Variants in NUDT6 observed in about 807,000 individuals in gnomAD.
The protein encoded by NUDT6 is FAD diphosphatase NUDT6.
NUDT6 carries 24 observed loss-of-function variants against 36.8 expected under a neutral mutation model. That is an observed-to-expected ratio of 0.65 (90% CI 0.47 to 0.92). The LOEUF is 0.92. NUDT6 is among the 40% of genes least tolerant of loss of function. NUDT6 has a pLI of 0.00. For synonymous variants in NUDT6, 163 were observed against 157.0 expected (o/e 1.04, Z -0.29); for missense variants, 388 against 392.8 (o/e 0.99, Z 0.10).
At position 122,892,798 on chromosome 4, in the gene NUDT6, C is replaced by T; in HGVS notation, c.*30G>A. On this transcript the variant is annotated 3_prime_UTR_variant, in exon 5 of 5. Transcript: ENST00000304430. ...ACTATTTCTTATGTCATTCGTTAGTCTACATGTTTCTAAACATATAAATGT... is the reference window on the plus strand; with the variant it reads ...ACTATTTCTTATGTCATTCGTTAGTTTACATGTTTCTAAACATATAAATGT... 6.6e-7 allele frequency: 1 copy of T among 1,514,264 alleles called. No individual in the cohort carries two copies. Among genetic ancestry groups the T allele is most frequent in the Non-Finnish European group, 9.0e-7 (1 of 1,113,614 alleles). 93.8% of individuals were successfully genotyped at this position (1,514,264 alleles called of 1,614,324 possible). A position where few individuals can be genotyped will look rare whatever the true frequency, so the allele number is the denominator to read the frequency against.
Position 122,897,689 on chromosome 4 carries a change from A to T in NUDT6, c.499-11T>A. 1 of 1,585,230 alleles carries T rather than the reference A, an allele frequency of 6.3e-7. No individual in the cohort carries two copies. Among genetic ancestry groups the T allele is most frequent in the South Asian group, 1.1e-5 (1 of 90,458 alleles). On this transcript the variant is annotated splice_polypyrimidine_tract_variant and intron_variant, in intron 3 of 4. Transcript: ENST00000304430. ...CCACATATTTTTCAACTGCAGTATA[A>T]AGTCAGAAAATAAAGTTAACATAAC...
At chr4:122,915,836 C>T (rs1389453642) in intron 2 of NUDT6, among the ~76,000 whole-genome samples, 1 of 152,064 alleles carries the variant, frequency 6.6e-6, no homozygotes, top group Non-Finnish European at 1.5e-5. Flanking sequence ...TGAAATAGAG[C>T]TGAACGGAGA....
intron 3 of NUDT6, among the ~76,000 whole-genome samples, chr4:122,900,765 A>T (rs1031276456): frequency 2.0e-5 from 3 of 152,064 alleles, no homozygotes; most frequent in South Asian, 2.1e-4. Flanking sequence ...TGTGTCTTAG[A>T]CTTACACTTT....
rs778764057 is a variant in NUDT6 at position 122,922,582 on chromosome 4, G to A, written c.-10C>T. On this transcript the variant is annotated 5_prime_UTR_variant, in exon 1 of 5. Coordinates refer to ENST00000304430, the MANE Select transcript of NUDT6 (RefSeq NM_007083.5). The stretch of plus-strand genomic sequence containing the variant: ...TCAGTGGCTGCCGCATCTCCACGCC[G>A]CTTAATTCGTCCGTTGCCCAAATGA... 5.0e-6 allele frequency: 8 copies of A among 1,587,852 alleles called. No homozygotes were observed. Among genetic ancestry groups the A allele is most frequent in the East Asian group, 4.5e-5 (2 of 44,622 alleles).
rs965949702 is a variant in NUDT6, at chr4:122,922,590, C to A, written c.-18G>T. The A allele has an allele frequency of 1.9e-6, 3 of 1,580,438 alleles. No homozygotes were observed. The highest frequency in any genetic ancestry group is 2.6e-6 in the Non-Finnish European group (3 of 1,167,962). ...TGCCGCATCTCCACGCCGCTTAATT[C>A]GTCCGTTGCCCAAATGACCCCTCCG... On this transcript the variant is annotated 5_prime_UTR_variant, in exon 1 of 5. Transcript: ENST00000304430.
rs1727451766 is a variant in NUDT6, at chr4:122,899,044, A to ATTTTTTTTTTTTCTTTTTT, written c.499-1367_499-1366insAAAAAAGAAAAAAAAAAAA. Among the ~76,000 whole-genome samples the ATTTTTTTTTTTTCTTTTTT allele has an allele frequency of 2.9e-5, 2 of 69,428 alleles. 1 individual carries two copies. Among genetic ancestry groups the ATTTTTTTTTTTTCTTTTTT allele is most frequent in the Non-Finnish European group, 6.0e-5 (2 of 33,138 alleles). 45.5% of individuals were successfully genotyped at this position (69,428 alleles called of 152,430 possible). ...CTACAGGTGTGCACCACCACACCTAATTTTTTTTTTTTTTTTAGAGATGAG... is the reference window on the plus strand; with the variant it reads ...CTACAGGTGTGCACCACCACACCTAATTTTTTTTTTTTCTTTTTTTTTTTTTTTTTTTTTTAGAGATGAG... On this transcript the variant is annotated intron_variant, in intron 3 of 4. Coordinates refer to ENST00000304430, the MANE Select transcript of NUDT6 (RefSeq NM_007083.5).
chr4:122,899,197 CAAAAG>C (rs1472742448), intron 3 of NUDT6, among the ~76,000 whole-genome samples: 4 of 151,574 alleles, frequency 2.6e-5, no homozygotes, highest in Admixed American at 6.6e-5. Context: ...CTGTTTCTAA[CAAAAG>C]AAAAGTTATA....
chr4:122,916,998 G>T (rs1261766291), intron 2 of NUDT6, among the ~76,000 whole-genome samples: 1 of 152,090 alleles, frequency 6.6e-6, no homozygotes, highest in Non-Finnish European at 1.5e-5. Flanking sequence ...GATGGTGAGA[G>T]ATTTCATCAC....
intron 2 of NUDT6, chr4:122,913,356 T>G (rs1245631900): frequency 6.6e-6 from 1 of 152,190 alleles, no homozygotes. Context: ...ATAAGGACAC[T>G]AATCCCATTC....
chr4:122,905,707 A>C (rs1727604765), intron 3 of NUDT6, among the ~76,000 whole-genome samples: 1 of 152,218 alleles, frequency 6.6e-6, no homozygotes. Flanking sequence ...CTCAGTGCCT[A>C]ACACATCTAT....
chr4:122,901,453 T>G (rs73844962), intron 3 of NUDT6, among the ~76,000 whole-genome samples: 8,922 of 152,210 alleles, frequency 0.059, 640 homozygotes, highest in African/African-American at 0.17. Context: ...ATGTTCTTTG[T>G]GTGTGTGTAG....
At chr4:122,897,401 G>A (rs41278093) in intron 4 of NUDT6, 57,263 of 535,150 alleles carry the variant, frequency 0.11, 3,665 homozygotes, top group Middle Eastern at 0.16. Context: ...CAGAAGAATA[G>A]GTGGTATGTT....
intron 3 of NUDT6, among the ~76,000 whole-genome samples, chr4:122,902,912 G>C (rs947599438): frequency 6.6e-6 from 1 of 152,142 alleles, no homozygotes; most frequent in Non-Finnish European, 1.5e-5. Context: ...TGCCTGGGGA[G>C]AGTGAGGTAC....
chr4:122,922,202 A>G (rs958213844), intron 1 of NUDT6, 133 bp downstream of exon 1: 5 of 688,100 alleles, frequency 7.3e-6, no homozygotes, highest in East Asian at 6.4e-5. Context: ...AAACAGGTCC[A>G]GGTCACGCGT....
At position 122,892,685 on chromosome 4, in the gene NUDT6, A is replaced by C; in HGVS notation, c.*143T>G. 79 of 1,369,738 alleles carry C rather than the reference A, an allele frequency of 5.8e-5. No individual in the cohort carries two copies. Among genetic ancestry groups the C allele is most frequent in the Non-Finnish European group, 7.5e-5 (78 of 1,036,618 alleles). 84.8% of individuals were successfully genotyped at this position (1,369,738 alleles called of 1,614,324 possible). Reference sequence around the variant, plus strand: ...GCTTTATTCGAAAAGAGGCTTTTAAAATGTGCATGTTTAGAAACAAAATTT... The same window carrying C: ...GCTTTATTCGAAAAGAGGCTTTTAACATGTGCATGTTTAGAAACAAAATTT... On this transcript the variant is annotated 3_prime_UTR_variant, in exon 5 of 5. Coordinates refer to ENST00000304430, the MANE Select transcript of NUDT6 (RefSeq NM_007083.5).
At chr4:122,902,333 T>G (rs529462163) in intron 3 of NUDT6, among the ~76,000 whole-genome samples, 5 of 152,328 alleles carry the variant, frequency 3.3e-5, no homozygotes, top group Admixed American at 3.3e-4. Context: ...CATGTGTTTT[T>G]CTTAATAACA....
At chr4:122,893,803 C>A (rs964463113) in intron 4 of NUDT6, 9 of 152,182 alleles carry the variant, frequency 5.9e-5, no homozygotes. Context: ...TCTACACATC[C>A]AGATGGTCCC....
intron 2 of NUDT6, among the ~76,000 whole-genome samples, chr4:122,914,140 T>A (rs368531946): frequency 8.5e-5 from 13 of 152,142 alleles, no homozygotes; most frequent in South Asian, 4.1e-4. Context: ...ATAAATTATA[T>A]AGAATATTAG....
chr4:122,915,239 A>G (rs1443393404), intron 2 of NUDT6, among the ~76,000 whole-genome samples: 1 of 152,146 alleles, frequency 6.6e-6, no homozygotes, highest in African/African-American at 2.4e-5. Flanking sequence ...ACAAATGCCA[A>G]TTATTTTTCT....
Sources: allele counts gnomAD v4.1 joint callset (sites outside exome capture counted in the v4.1 genomes callset), GRCh38; gene constraint gnomAD v4.1.1; transcripts MANE v1.5; gene names NCBI Gene and HGNC (gene_info 2026-07-23, HGNC 2026-07-21).